DYNAP: variants seen among roughly 807,000 people sequenced by gnomAD.
DYNAP encodes dynactin associated protein, also known as dynactin-associated protein.
In DYNAP, 7 loss-of-function variants were observed where a neutral mutation model predicts 8.5. That is an observed-to-expected ratio of 0.82 (90% CI 0.47 to 1.54). The LOEUF (loss-of-function observed/expected upper bound fraction) is 1.54. DYNAP is among the 40% of genes most tolerant of loss of function. DYNAP has a pLI of 0.01. For missense variants in DYNAP, 256 were observed against 224.3 expected (o/e 1.14, Z -0.90); for synonymous variants, 77 against 77.9 (o/e 0.99, Z 0.06).
chr18:54,585,980 T>C (rs1436176056), upstream of DYNAP, among the ~76,000 whole-genome samples: 2 of 152,216 alleles, frequency 1.3e-5, no homozygotes, highest in African/African-American at 2.4e-5. Flanking sequence ...GTTCCACTGC[T>C]GAGCCCTTGC....
chr18:54,585,795 G>A (rs547800303), upstream of DYNAP, among the ~76,000 whole-genome samples: 3 of 152,212 alleles, frequency 2.0e-5, no homozygotes, highest in Non-Finnish European at 4.4e-5. Flanking sequence ...ACTCAGGTAC[G>A]AGTTCTATGA....
intron 1 of DYNAP, among the ~76,000 whole-genome samples, chr18:54,593,649 G>C (rs1201381727): frequency 6.6e-6 from 1 of 152,074 alleles, no homozygotes; most frequent in Non-Finnish European, 1.5e-5. Context: ...TTTTGGCTGG[G>C]TACAGAAGCT....
Position 54,595,106 on chromosome 18 carries a change from A to G in DYNAP, c.222+3A>G. Reference sequence around the variant, plus strand: ...AGTCAGAATCCTGTAACACACAGGTAATGTGTAGCACGGGAGCTTTTATTC... The same window carrying G: ...AGTCAGAATCCTGTAACACACAGGTGATGTGTAGCACGGGAGCTTTTATTC... On this transcript the variant is annotated splice_donor_region_variant and intron_variant, in intron 2 of 2. Transcript: ENST00000648945. The G allele has an allele frequency of 6.2e-7, 1 of 1,610,250 alleles. No homozygotes were observed. Among genetic ancestry groups the G allele is most frequent in the Non-Finnish European group, 8.5e-7 (1 of 1,177,760 alleles).
Sources: allele counts gnomAD v4.1 joint callset (sites outside exome capture counted in the v4.1 genomes callset), GRCh38; gene constraint gnomAD v4.1.1; transcripts MANE v1.5; gene names NCBI Gene and HGNC (gene_info 2026-07-23, HGNC 2026-07-21).